The following PDE1A variants were observed in gnomAD, a reference collection of about 807,000 sequenced individuals.
The protein encoded by PDE1A is dual specificity calcium/calmodulin-dependent 3',5'-cyclic nucleotide phosphodiesterase 1A.
In PDE1A, 35 loss-of-function variants were observed where a neutral mutation model predicts 61.7. That is an observed-to-expected ratio of 0.57 (90% confidence interval 0.43 to 0.75). The LOEUF (loss-of-function observed/expected upper bound fraction) is 0.75, where lower values mean the gene tolerates loss of function less well. Ranked by LOEUF, PDE1A falls within the 30% of genes least tolerant of loss-of-function variation. The pLI is 0.00. For synonymous variants in PDE1A, 232 were observed against 213.2 expected, an observed-to-expected ratio of 1.09 and a Z score of -0.77; for missense variants, 597 against 630.6, an observed-to-expected ratio of 0.95 and a Z score of 0.57.
the PDE1A span, among the ~76,000 whole-genome samples, chr2:182,635,749 G>C: frequency 1.7e-4 from 26 of 151,462 alleles, no homozygotes; most frequent in East Asian, 4.9e-3. Flanking sequence ...CTTCATATGG[G>C]AGGTGAGTTT....
intron 1 of PDE1A, among the ~76,000 whole-genome samples, chr2:182,357,461 T>A (rs1276283666): frequency 6.6e-6 from 1 of 152,192 alleles, no homozygotes. Flanking sequence ...ATTGCATGGA[T>A]AATCACAAAT....
the PDE1A span, among the ~76,000 whole-genome samples, chr2:182,708,504 G>A: frequency 1.3e-5 from 2 of 152,094 alleles, no homozygotes; most frequent in Admixed American, 1.3e-4. Context: ...TCCCTGAGAC[G>A]GGGTAATTTA....
intron 13 of PDE1A, among the ~76,000 whole-genome samples, chr2:182,154,381 G>A (rs909906677): frequency 2.0e-5 from 3 of 152,046 alleles, no homozygotes; most frequent in Non-Finnish European, 4.4e-5. Flanking sequence ...AGATATATAC[G>A]TGTCAAATAA....
exon 3 of PDE1A, chr2:182,240,188 A>G (rs1690388587): frequency 1.2e-6 from 2 of 1,613,780 alleles, no homozygotes; most frequent in African/African-American, 1.3e-5. Context: ...CTTTTTTGTC[A>G]TCCCCATTTT....
intron 2 of PDE1A, among the ~76,000 whole-genome samples, chr2:182,460,167 T>C (rs994133368): frequency 1.3e-5 from 2 of 152,128 alleles, no homozygotes; most frequent in Admixed American, 1.3e-4. Flanking sequence ...ATAAAATCCA[T>C]CAATCCAACT....
At chr2:182,700,721 CAAAA>C in the PDE1A span, among the ~76,000 whole-genome samples, 10 of 24,010 alleles carry the variant, frequency 4.2e-4, no homozygotes, top group South Asian at 0.027. Context: ...GACTCCATCT[CAAAA>C]AAAAAAAAAA....
At chr2:182,608,632 G>C in the PDE1A span, among the ~76,000 whole-genome samples, 2 of 152,220 alleles carry the variant, frequency 1.3e-5, no homozygotes, top group African/African-American at 2.4e-5. Context: ...GGCCTTAGCT[G>C]CCTCCCCACA....
chr2:182,658,068 A>AAAAC, the PDE1A span, among the ~76,000 whole-genome samples: 2 of 109,786 alleles, frequency 1.8e-5, no homozygotes, highest in African/African-American at 6.7e-5. Flanking sequence ...AAAAAAAAAA[A>AAAAC]AAAACAAAAA....
the PDE1A span, among the ~76,000 whole-genome samples, chr2:182,638,515 G>A: frequency 2.6e-5 from 4 of 152,058 alleles, no homozygotes; most frequent in African/African-American, 7.2e-5. Context: ...CAGCCTGGGC[G>A]ACAGAGTGGG....
intron 2 of PDE1A, among the ~76,000 whole-genome samples, chr2:182,506,280 TG>T (rs1432963909): frequency 5.9e-5 from 9 of 152,234 alleles, no homozygotes; most frequent in Non-Finnish European, 4.4e-5. Flanking sequence ...GCAATTGGTT[TG>T]ATTATAAGTA....
intron 1 of PDE1A, among the ~76,000 whole-genome samples, chr2:182,278,185 A>T (rs1298800033): frequency 4.6e-5 from 7 of 152,026 alleles, no homozygotes; most frequent in Non-Finnish European, 1.5e-5. Context: ...CAAGACAAGC[A>T]CTAGTCTGAA....
chr2:182,506,835 T>C (rs1689441980), intron 2 of PDE1A, among the ~76,000 whole-genome samples: 1 of 152,246 alleles, frequency 6.6e-6, no homozygotes. Context: ...TTCTAGTGCC[T>C]GTTGCCAGGG....
chr2:182,492,441 G>T (rs2125886623), intron 2 of PDE1A, among the ~76,000 whole-genome samples: 1 of 152,286 alleles, frequency 6.6e-6, no homozygotes, highest in South Asian at 2.1e-4. Flanking sequence ...TGAACTGATG[G>T]ATGATAAATG....
At chr2:182,540,138 C>T in the PDE1A span, among the ~76,000 whole-genome samples, 3,258 of 151,950 alleles carry the variant, frequency 0.021, 113 homozygotes, top group African/African-American at 0.074. Flanking sequence ...CCGAGGCAGG[C>T]GGATCATTTG....
At chr2:182,244,833 AAAG>A (rs1388936893) in intron 2 of PDE1A, among the ~76,000 whole-genome samples, 1 of 152,212 alleles carries the variant, frequency 6.6e-6, no homozygotes, top group Non-Finnish European at 1.5e-5. Context: ...GTACAGCAGA[AAAG>A]AAGTGAATCT....
At chr2:182,610,094 A>T in the PDE1A span, among the ~76,000 whole-genome samples, 1 of 151,856 alleles carries the variant, frequency 6.6e-6, no homozygotes, top group Non-Finnish European at 1.5e-5. Context: ...TCTCAAAAAA[A>T]AAAAAAAAGA....
At chr2:182,248,376 G>C (rs1691142682) in intron 2 of PDE1A, among the ~76,000 whole-genome samples, 2 of 70,006 alleles carry the variant, frequency 2.9e-5, no homozygotes. Context: ...ACTGGTGTTT[G>C]ATACTTTAGT....
chr2:182,172,609 T>A (rs1214267483), intron 13 of PDE1A, among the ~76,000 whole-genome samples: 1 of 152,048 alleles, frequency 6.6e-6, no homozygotes, highest in African/African-American at 2.4e-5. Flanking sequence ...CTCCTGCAAA[T>A]GCATTTCTCA....
chr2:182,240,310 G>C lies in PDE1A; in HGVS notation c.168-18C>G. On this transcript the variant is annotated intron_variant, in intron 2 of 13. Transcript: ENST00000351439. ...GAAGTCTTCTACAAAAATTTATACA[G>C]ATTAAACTTTTTTATAAAAAAGTGA... 6.8e-7 allele frequency: 1 copy of C among 1,467,844 alleles called. No homozygotes were observed. Among genetic ancestry groups the C allele is most frequent in the Non-Finnish European group, 9.1e-7 (1 of 1,100,214 alleles). 90.9% of individuals were successfully genotyped at this position (1,467,844 alleles called of 1,614,324 possible). A position where few individuals can be genotyped will look rare whatever the true frequency, so the allele number is the denominator to read the frequency against.
Sources: gnomAD v4.1 joint callset for allele counts (sites outside exome capture counted in the v4.1 genomes callset) on GRCh38, gnomAD v4.1.1 for gene constraint, MANE v1.5 for transcripts, NCBI Gene and HGNC (gene_info 2026-07-23, HGNC 2026-07-21) for gene names.